Variants in DCC observed in about 807,000 individuals in gnomAD.
The protein encoded by DCC is DCC netrin 1 receptor.
Under a neutral mutation model 172.5 loss-of-function variants are expected in DCC, and 58 were observed. That is an observed-to-expected ratio of 0.34 (90% CI 0.27 to 0.42). The LOEUF (loss-of-function observed/expected upper bound fraction) is 0.42, where lower values mean the gene tolerates loss of function less well. Among genes scored for constraint, DCC ranks in the 10% least tolerant of loss-of-function variants. The pLI is 1.00. For missense variants in DCC, 1,740 were observed against 1,791.0 expected (o/e 0.97, Z 0.51); for synonymous variants, 709 against 644.5 (o/e 1.10, Z -1.52).
intron 1 of DCC, among the ~76,000 whole-genome samples, chr18:52,347,661 T>G (rs1568126408): frequency 6.6e-6 from 1 of 152,122 alleles, no homozygotes; most frequent in African/African-American, 2.4e-5. Context: ...GTGTTTAAAG[T>G]AGGAGAGGAG....
chr18:53,395,319 G>A (rs1032370820), intron 17 of DCC, among the ~76,000 whole-genome samples: 2 of 152,196 alleles, frequency 1.3e-5, no homozygotes, highest in South Asian at 2.1e-4. Context: ...TTTATAGAAT[G>A]CAAAGGTGTC....
intron 5 of DCC, among the ~76,000 whole-genome samples, chr18:52,950,026 G>A (rs535207510): frequency 2.0e-5 from 3 of 152,140 alleles, no homozygotes; most frequent in East Asian, 3.9e-4. Context: ...GGTACCAGGG[G>A]CATGGTTGGC....
intron 1 of DCC, among the ~76,000 whole-genome samples, chr18:52,613,431 A>G (rs113679886): frequency 0.019 from 2,950 of 151,536 alleles, 102 homozygotes; most frequent in African/African-American, 0.068. Flanking sequence ...AATTTTTTGT[A>G]TTTTTAGTAG....
chr18:53,373,121 G>A (rs1348516616), intron 15 of DCC, among the ~76,000 whole-genome samples: 1 of 152,012 alleles, frequency 6.6e-6, no homozygotes, highest in East Asian at 1.9e-4. Flanking sequence ...TAAAAACTAG[G>A]TCAATTTAAA....
At chr18:53,268,314 C>A (rs896827105) in intron 12 of DCC, among the ~76,000 whole-genome samples, 2 of 152,032 alleles carry the variant, frequency 1.3e-5, no homozygotes, top group South Asian at 4.1e-4. Flanking sequence ...GTAAATAGAA[C>A]ATGTAACAGA....
chr18:52,606,717 G>T (rs1168988919), intron 1 of DCC, among the ~76,000 whole-genome samples: 1 of 152,096 alleles, frequency 6.6e-6, no homozygotes, highest in Non-Finnish European at 1.5e-5. Context: ...TTTCTAGTTT[G>T]TTTCTTTATA....
intron 2 of DCC, among the ~76,000 whole-genome samples, chr18:52,808,410 T>TA (rs1164959251): frequency 1.3e-5 from 2 of 151,672 alleles, no homozygotes; most frequent in Non-Finnish European, 2.9e-5. Flanking sequence ...GGCTTTTTTT[T>TA]TTTTTCCTAC....
intron 15 of DCC, among the ~76,000 whole-genome samples, chr18:53,342,572 G>A (rs902004953): frequency 1.0e-4 from 15 of 150,336 alleles, no homozygotes; most frequent in African/African-American, 2.9e-4. Context: ...GCATTATTGA[G>A]GTATAATATT....
At chr18:53,390,332 G>A (rs11876922) in intron 16 of DCC, among the ~76,000 whole-genome samples, 64,040 of 151,326 alleles carry the variant, frequency 0.42, 15,351 homozygotes, top group Non-Finnish European at 0.55. Flanking sequence ...GTAAACTACT[G>A]AATAATTCAT....
At chr18:52,527,777 G>C (rs1399909975) in intron 1 of DCC, among the ~76,000 whole-genome samples, 1 of 152,136 alleles carries the variant, frequency 6.6e-6, no homozygotes, top group African/African-American at 2.4e-5. Context: ...GCTGGTAAAA[G>C]TATTTTCAAG....
At chr18:52,912,008 C>T (rs1477998427) in intron 3 of DCC, among the ~76,000 whole-genome samples, 1 of 151,878 alleles carries the variant, frequency 6.6e-6, no homozygotes, top group Non-Finnish European at 1.5e-5. Context: ...TGGACTCTCA[C>T]AGTCTATTTC....
intron 2 of DCC, among the ~76,000 whole-genome samples, chr18:52,843,585 C>T (rs1003181990): frequency 2.0e-5 from 3 of 152,148 alleles, no homozygotes; most frequent in Non-Finnish European, 2.9e-5. Context: ...CTCTTAATGC[C>T]TTAAACCCCG....
chr18:52,385,833 A>T (rs1350070722), intron 1 of DCC, among the ~76,000 whole-genome samples: 1 of 152,054 alleles, frequency 6.6e-6, no homozygotes, highest in Non-Finnish European at 1.5e-5. Flanking sequence ...AGTGCTTGGT[A>T]TAGTTGACAA....
At chr18:53,165,115 A>G (rs2054896894) in intron 8 of DCC, among the ~76,000 whole-genome samples, 1 of 152,206 alleles carries the variant, frequency 6.6e-6, no homozygotes, top group South Asian at 2.1e-4. Flanking sequence ...AATCCTCACA[A>G]TAATACTGTG....
At chr18:52,765,554 G>C (rs1220672414) in intron 2 of DCC, among the ~76,000 whole-genome samples, 1 of 152,106 alleles carries the variant, frequency 6.6e-6, no homozygotes, top group Non-Finnish European at 1.5e-5. Flanking sequence ...GACTAGGAGA[G>C]GCTCCATCTT....
intron 1 of DCC, among the ~76,000 whole-genome samples, chr18:52,435,041 C>A (rs987357337): frequency 3.3e-5 from 5 of 152,182 alleles, no homozygotes; most frequent in African/African-American, 1.2e-4. Context: ...AAATCCTAGG[C>A]TGTTTCCAGA....
At chr18:52,962,127 G>C (rs1201530198) in intron 5 of DCC, among the ~76,000 whole-genome samples, 18 of 149,696 alleles carry the variant, frequency 1.2e-4, no homozygotes, top group Admixed American at 8.6e-4. Flanking sequence ...TTAAACTAAA[G>C]AGCTTCTGCA....
chr18:53,121,751 TAATA>T (rs1228848430), intron 7 of DCC, among the ~76,000 whole-genome samples: 4 of 151,950 alleles, frequency 2.6e-5, no homozygotes, highest in Non-Finnish European at 4.4e-5. Context: ...TAAATATTAA[TAATA>T]AATCTGTTTG....
At chr18:52,550,849 G>A (rs1488063997) in intron 1 of DCC, among the ~76,000 whole-genome samples, 2 of 151,542 alleles carry the variant, frequency 1.3e-5, no homozygotes, top group Non-Finnish European at 2.9e-5. Flanking sequence ...GGGGTGTATG[G>A]GAACTCTGTA....
Sources: allele counts gnomAD v4.1 joint callset (sites outside exome capture counted in the v4.1 genomes callset), GRCh38; gene constraint gnomAD v4.1.1; transcripts MANE v1.5; gene names NCBI Gene and HGNC (gene_info 2026-07-23, HGNC 2026-07-21).